KIF13A: variants seen among roughly 807,000 people sequenced by gnomAD.
KIF13A encodes kinesin-like protein KIF13A.
Under a neutral mutation model 212.2 loss-of-function variants are expected in KIF13A, and 79 were observed. The observed-to-expected ratio is 0.37, with a 90% CI of 0.31 to 0.45. The LOEUF is 0.45. Ranked by LOEUF, KIF13A falls within the 20% of genes least tolerant of loss-of-function variation. The pLI, the probability that KIF13A is intolerant of heterozygous loss-of-function variation, is 1.00. For synonymous variants in KIF13A, 789 were observed against 808.6 expected, an observed-to-expected ratio of 0.98 and a Z score of 0.41; for missense variants, 1,901 against 2,209.0, an observed-to-expected ratio of 0.86 and a Z score of 2.79.
chr6:17,910,101 G>T (rs1773906227), intron 2 of KIF13A, among the ~76,000 whole-genome samples: 1 of 152,180 alleles, frequency 6.6e-6, no homozygotes, highest in Non-Finnish European at 1.5e-5. Context: ...ACAGCTCCAT[G>T]ACAGTGAAAC....
chr6:17,985,875 C>T (rs1368369267), intron 2 of KIF13A, among the ~76,000 whole-genome samples: 1 of 152,098 alleles, frequency 6.6e-6, no homozygotes, highest in Admixed American at 6.5e-5. Flanking sequence ...AATATCACCA[C>T]CAGAATCTGC....
rs549416658 is a variant in KIF13A, at chr6:17,835,324, C to T, written c.1156-1253G>A. 2.0e-5 allele frequency among the ~76,000 whole-genome samples: 3 copies of T among 150,888 alleles called. No homozygotes were observed. In the South Asian group the frequency reaches 6.3e-4, roughly 32 times the overall value. On this transcript the variant is annotated intron_variant, in intron 11 of 38. Transcript: ENST00000259711. ...CAGCCAGGTATTGCTTGAGCCATCT[C>T]GCCCAGATTATGTGGTCACAGTAAA...
intron 12 of KIF13A, among the ~76,000 whole-genome samples, chr6:17,833,639 T>G (rs1168766346): frequency 6.6e-6 from 1 of 151,828 alleles, no homozygotes; most frequent in Non-Finnish European, 1.5e-5. Flanking sequence ...GCAGATCACC[T>G]GAGGTCAGGA....
intron 9 of KIF13A, among the ~76,000 whole-genome samples, chr6:17,844,110 G>A (rs961143664): frequency 2.6e-5 from 4 of 151,860 alleles, no homozygotes; most frequent in African/African-American, 7.3e-5. Context: ...TGAAATAAGT[G>A]GATTTGAGTT....
At chr6:17,974,171 T>C (rs936399196) in intron 2 of KIF13A, among the ~76,000 whole-genome samples, 8 of 152,158 alleles carry the variant, frequency 5.3e-5, no homozygotes, top group Non-Finnish European at 1.2e-4. Flanking sequence ...AACCTCCACC[T>C]CCCGGGTTCA....
intron 2 of KIF13A, among the ~76,000 whole-genome samples, chr6:17,975,519 G>A (rs1041856806): frequency 3.3e-5 from 5 of 152,098 alleles, no homozygotes; most frequent in East Asian, 1.9e-4. Context: ...AAAGGGAGCA[G>A]CAACATAATT....
At chr6:17,962,613 T>G (rs1331980672) in intron 2 of KIF13A, among the ~76,000 whole-genome samples, 1 of 152,106 alleles carries the variant, frequency 6.6e-6, no homozygotes, top group Non-Finnish European at 1.5e-5. Flanking sequence ...CAGCTGATGC[T>G]GGTGTGGGGG....
intron 3 of KIF13A, chr6:17,881,365 T>C (rs1771041951): frequency 2.8e-6 from 1 of 354,762 alleles, no homozygotes; most frequent in Non-Finnish European, 5.4e-6. Flanking sequence ...GACTTACGAA[T>C]AGGATGTAGT....
Position 17,787,652 on chromosome 6 carries a change from A to AATC in KIF13A, c.3361+123_3361+124insGAT. ...GGTGACAGAGTGAGACCCTGTCTTA[A>AATC]AACAACAACAACAACAACAACAAAA... On this transcript the variant is annotated intron_variant, in intron 27 of 38. Transcript: ENST00000259711. The surrounding 1 kb of genome is among the most constrained non-coding windows in gnomAD (Gnocchi z 4.6). The AATC allele has an allele frequency of 3.5e-6, 2 of 572,820 alleles. No individual in the cohort carries two copies. Among genetic ancestry groups the AATC allele is most frequent in the Admixed American group, 2.8e-5 (1 of 35,574 alleles). The allele number at this position is 572,820 out of a possible 1,614,324, so 35.5% of individuals were successfully genotyped here.
chr6:17,891,055 C>A (rs887655013), intron 3 of KIF13A, among the ~76,000 whole-genome samples: 3 of 152,130 alleles, frequency 2.0e-5, no homozygotes, highest in African/African-American at 7.2e-5. Context: ...CACTCCAATC[C>A]TACAAATTAT....
At chr6:17,803,546 T>C (rs115787245) in intron 20 of KIF13A, among the ~76,000 whole-genome samples, 3 of 152,310 alleles carry the variant, frequency 2.0e-5, no homozygotes, top group African/African-American at 7.2e-5. Flanking sequence ...AAATATCTTA[T>C]GCCTACCTAG....
chr6:17,805,331 T>C, intron 19 of KIF13A, 144 bp downstream of exon 19: 1 of 755,734 alleles, frequency 1.3e-6, no homozygotes, highest in East Asian at 2.6e-5. Context: ...TGTACTTTAT[T>C]TTCCTAATAT....
chr6:17,780,191 A>G (rs1353415718), intron 31 of KIF13A, among the ~76,000 whole-genome samples: 1 of 152,094 alleles, frequency 6.6e-6, no homozygotes, highest in African/African-American at 2.4e-5. Flanking sequence ...GTTAGTTGGG[A>G]ATTTGACTAC....
rs1774104267 is a variant in KIF13A at position 17,911,922 on chromosome 6, G to C, written c.147-13742C>G. Among the ~76,000 whole-genome samples, 4 of 151,982 alleles carry C rather than the reference G, an allele frequency of 2.6e-5. No homozygotes were observed. The South Asian group carries it at 8.3e-4, about 31-fold the overall frequency. On this transcript the variant is annotated intron_variant, in intron 2 of 38. Coordinates refer to ENST00000259711, the MANE Select transcript of KIF13A (RefSeq NM_022113.6). ...TGGGACTACAGGAATGCACCACCATGCCCAGCTAATTTTTTGTATTTTAGT... is the reference window on the plus strand; with the variant it reads ...TGGGACTACAGGAATGCACCACCATCCCCAGCTAATTTTTTGTATTTTAGT...
At chr6:17,878,217 C>T (rs560797221) in intron 3 of KIF13A, among the ~76,000 whole-genome samples, 1 of 152,246 alleles carries the variant, frequency 6.6e-6, no homozygotes, top group South Asian at 2.1e-4. Context: ...GGAGCAGGTC[C>T]TATGAAAGCC....
chr6:17,931,865 G>C (rs753121819), intron 2 of KIF13A, among the ~76,000 whole-genome samples: 17 of 152,142 alleles, frequency 1.1e-4, no homozygotes, highest in Non-Finnish European at 1.8e-4. Flanking sequence ...AAGAGCCCCA[G>C]TAATCCCATT....
chr6:17,977,127 A>G (rs1181182879), intron 2 of KIF13A, among the ~76,000 whole-genome samples: 1 of 151,300 alleles, frequency 6.6e-6, no homozygotes, highest in South Asian at 2.1e-4. Flanking sequence ...AAAAAAAAAA[A>G]AAAAAAAAAG....
rs1774404301 is a variant in KIF13A, at chr6:17,915,377, T to A, written c.147-17197A>T. ...CAAATAGAGCTGGTGTGGGGTTAAGTGAATTAACATATTATAAAGCTTTTA... is the reference window on the plus strand; with the variant it reads ...CAAATAGAGCTGGTGTGGGGTTAAGAGAATTAACATATTATAAAGCTTTTA... On this transcript the variant is annotated intron_variant, in intron 2 of 38. Transcript: ENST00000259711. The surrounding 1 kb of genome is among the most constrained non-coding windows in gnomAD (Gnocchi z 4.4). Among the ~76,000 whole-genome samples, 1 of 152,134 alleles carries A rather than the reference T, an allele frequency of 6.6e-6. No homozygotes were observed.
In KIF13A at chr6:17,837,636, T is replaced by A. The variant is rs1766090533; in HGVS notation, c.831-53A>T. 2 of 1,192,390 alleles carry A rather than the reference T, an allele frequency of 1.7e-6. No homozygotes were observed. Among genetic ancestry groups the A allele is most frequent in the Non-Finnish European group, 2.4e-6 (2 of 820,970 alleles). 73.9% of individuals were successfully genotyped at this position (1,192,390 alleles called of 1,614,324 possible). On this transcript the variant is annotated intron_variant, in intron 9 of 38. Transcript: ENST00000259711. The surrounding 1 kb of genome is among the most constrained non-coding windows in gnomAD (Gnocchi z 5.4). ...TTATGGAATGTTTATTTGGTTTAAGTATAAAATATGCAGAACAATAAAGCT... is the reference window on the plus strand; with the variant it reads ...TTATGGAATGTTTATTTGGTTTAAGAATAAAATATGCAGAACAATAAAGCT...
Sources: gnomAD v4.1 joint callset for allele counts (sites outside exome capture counted in the v4.1 genomes callset) on GRCh38, gnomAD v4.1.1 for gene constraint, Gnocchi (gnomAD v3.1) non-coding constraint, MANE v1.5 for transcripts, NCBI Gene and HGNC (gene_info 2026-07-23, HGNC 2026-07-21) for gene names.